The following PPP4R1 variants were observed in gnomAD, a reference collection of about 807,000 sequenced individuals.
PPP4R1 encodes protein phosphatase 4 regulatory subunit 1, also known as serine/threonine-protein phosphatase 4 regulatory subunit 1.
PPP4R1 carries 42 observed loss-of-function variants against 111.2 expected under a neutral mutation model. The observed-to-expected ratio is 0.38, with a 90% CI of 0.29 to 0.49. The LOEUF (loss-of-function observed/expected upper bound fraction) is 0.49, where lower values mean the gene tolerates loss of function less well. Among genes scored for constraint, PPP4R1 ranks in the 20% least tolerant of loss-of-function variants. PPP4R1 has a pLI of 0.97. For synonymous variants in PPP4R1, 409 were observed against 405.5 expected, an observed-to-expected ratio of 1.01 and a Z score of -0.10; for missense variants, 1,012 against 1,161.6, an observed-to-expected ratio of 0.87 and a Z score of 1.87.
intron 2 of PPP4R1, among the ~76,000 whole-genome samples, chr18:9,613,364 CT>C (rs1598974478): frequency 6.6e-6 from 1 of 152,166 alleles, no homozygotes; most frequent in African/African-American, 2.4e-5. Flanking sequence ...CTGCTTAACT[CT>C]TTTGTCTTTT....
intron 10 of PPP4R1, among the ~76,000 whole-genome samples, chr18:9,573,278 G>C (rs2066888994): frequency 1.3e-5 from 2 of 152,056 alleles, no homozygotes; most frequent in Non-Finnish European, 2.9e-5. Context: ...TTGGTAACTG[G>C]ACTACAGTTA....
chr18:9,603,921 C>T lies in PPP4R1; in HGVS notation c.53-8768G>A, dbSNP rs1248729467. 2.0e-5 allele frequency among the ~76,000 whole-genome samples: 3 copies of T among 151,972 alleles called. No individual in the cohort carries two copies. In the East Asian group the frequency reaches 5.8e-4, roughly 29 times the overall value. On this transcript the variant is annotated intron_variant, in intron 2 of 19. Coordinates refer to ENST00000400556, the MANE Select transcript of PPP4R1 (RefSeq NM_001042388.3). ...ATGAAAAGAGATAAAGAAAAAAATG[C>T]AAGAGTCTCAATTTAAAGAATTTAT...
intron 14 of PPP4R1, among the ~76,000 whole-genome samples, chr18:9,558,277 G>T (rs939540043): frequency 7.9e-5 from 12 of 152,270 alleles, no homozygotes; most frequent in Admixed American, 5.9e-4. Context: ...ATGGAAGAGG[G>T]GGGCAGCAGA....
Position 9,570,554 on chromosome 18 carries a change from C to T in PPP4R1, c.1176G>A (p.Gly392=). The T allele has an allele frequency of 6.2e-7, 1 of 1,614,156 alleles. No homozygotes were observed. The highest frequency in any genetic ancestry group is 1.7e-5 in the Admixed American group (1 of 60,020). ...TMEDHAAEAS[G]KPLGEISVPL... ...GAACACTAATTTCACCTAGAGGCTT[C>T]CCGGATGCCTCAGCAGCATGGTCTT... Residue 392 remains glycine, a synonymous_variant, in exon 11 of 20, where the codon GGG becomes GGA. Coordinates refer to ENST00000400556, the MANE Select transcript of PPP4R1 (RefSeq NM_001042388.3).
At chr18:9,609,100 G>C (rs1362907436) in intron 2 of PPP4R1, among the ~76,000 whole-genome samples, 2 of 152,008 alleles carry the variant, frequency 1.3e-5, no homozygotes, top group Non-Finnish European at 2.9e-5. Flanking sequence ...TGTTAGCAGA[G>C]GTATCATTAA....
intron 2 of PPP4R1, among the ~76,000 whole-genome samples, chr18:9,606,313 A>G: frequency 6.6e-6 from 1 of 152,196 alleles, no homozygotes; most frequent in East Asian, 1.9e-4. Context: ...GTTTTCGTAA[A>G]TAAAATTTTA....
intron 8 of PPP4R1, among the ~76,000 whole-genome samples, chr18:9,584,288 A>G (rs2067079590): frequency 6.6e-6 from 1 of 152,224 alleles, no homozygotes; most frequent in South Asian, 2.1e-4. Context: ...GGAAGAGGTG[A>G]AAACAGATCA....
At chr18:9,585,914 C>T (rs1211389863) in intron 6 of PPP4R1, among the ~76,000 whole-genome samples, 1 of 152,064 alleles carries the variant, frequency 6.6e-6, no homozygotes, top group African/African-American at 2.4e-5. Context: ...GACTGTGAAA[C>T]TGGCAATTGT....
intron 11 of PPP4R1, among the ~76,000 whole-genome samples, chr18:9,564,724 GT>G: frequency 2.0e-5 from 1 of 50,860 alleles, no homozygotes; most frequent in Middle Eastern, 0.012. Flanking sequence ...GTGTGTGTGT[GT>G]GTGTGTGTGT....
intron 4 of PPP4R1, among the ~76,000 whole-genome samples, chr18:9,592,469 T>C (rs1158496716): frequency 6.6e-6 from 1 of 152,230 alleles, no homozygotes; most frequent in African/African-American, 2.4e-5. Flanking sequence ...TTATTGTTTA[T>C]ATGTTGGCTG....
chr18:9,560,597 A>G (rs1358813348), intron 13 of PPP4R1, among the ~76,000 whole-genome samples: 2 of 152,178 alleles, frequency 1.3e-5, no homozygotes, highest in Non-Finnish European at 2.9e-5. Context: ...ATGGAAATAA[A>G]CTCATTAAAA....
At chr18:9,562,102 G>C in intron 12 of PPP4R1, 27 bp from the exon 13 acceptor site, 1 of 1,521,944 alleles carries the variant, frequency 6.6e-7, no homozygotes, top group Non-Finnish European at 9.1e-7. Context: ...ACTACTTAAA[G>C]AGCTGTCCTG....
At chr18:9,591,936 A>G (rs329030) in intron 4 of PPP4R1, among the ~76,000 whole-genome samples, 121,529 of 152,132 alleles carry the variant, frequency 0.8, 48,657 homozygotes, top group Non-Finnish European at 0.81. Flanking sequence ...GTGTAGTGGC[A>G]CATGCCTGTA....
chr18:9,554,590 C>T (rs140209687), intron 15 of PPP4R1, among the ~76,000 whole-genome samples: 1 of 152,092 alleles, frequency 6.6e-6, no homozygotes, highest in East Asian at 1.9e-4. Flanking sequence ...ATCACACCTC[C>T]TAGCTACTAT....
intron 2 of PPP4R1, among the ~76,000 whole-genome samples, chr18:9,601,470 G>C (rs975690625): frequency 6.6e-6 from 1 of 151,912 alleles, no homozygotes; most frequent in African/African-American, 2.4e-5. Context: ...AGGTTGCAGT[G>C]AGCCAAGATG....
chr18:9,560,114 T>C (rs556585452), intron 13 of PPP4R1, among the ~76,000 whole-genome samples: 2 of 151,812 alleles, frequency 1.3e-5, no homozygotes, highest in South Asian at 2.1e-4. Context: ...ACCCCGTCTC[T>C]ACAAAAAATT....
chr18:9,616,533 C>T (rs2067690174), upstream of PPP4R1, among the ~76,000 whole-genome samples: 1 of 152,130 alleles, frequency 6.6e-6, no homozygotes, highest in Non-Finnish European at 1.5e-5. Context: ...CTTGGTCTCC[C>T]AAAGCACCAG....
In PPP4R1 at chr18:9,547,837, A is replaced by G. The variant is rs775273881; in HGVS notation, c.2805T>C (p.Ser935=). Residue 935 remains serine (S), a synonymous_variant, in exon 20 of 20, where the codon AGT becomes AGC. Coordinates refer to ENST00000400556, the MANE Select transcript of PPP4R1 (RefSeq NM_001042388.3). Reference sequence around the variant, plus strand: ...TCATGGCATCTTCGGAGATTTTGGTACTGGCAGGGTGGATGCTTGCAAAAT... The same window carrying G: ...TCATGGCATCTTCGGAGATTTTGGTGCTGGCAGGGTGGATGCTTGCAAAAT... ...VKYFASIHPA[S]TKISEDAMST... is the part of the protein sequence containing the mutation. The G allele has an allele frequency of 3.1e-6, 5 of 1,613,520 alleles. No individual in the cohort carries two copies. In the South Asian group the frequency reaches 4.4e-5, roughly 14 times the overall value.
At chr18:9,580,627 G>A (rs186916800) in intron 9 of PPP4R1, among the ~76,000 whole-genome samples, 51 of 152,214 alleles carry the variant, frequency 3.4e-4, no homozygotes, top group Admixed American at 3.0e-3. Flanking sequence ...TGGGATTACA[G>A]GTGCGAGCCA....
Sources: gnomAD v4.1 joint callset for allele counts (sites outside exome capture counted in the v4.1 genomes callset) on GRCh38, gnomAD v4.1.1 for gene constraint, MANE v1.5 for transcripts, NCBI Gene and HGNC (gene_info 2026-07-23, HGNC 2026-07-21) for gene names.